IL20RA: variants seen among roughly 807,000 people sequenced by gnomAD.
The protein encoded by IL20RA is interleukin 20 receptor subunit alpha.
IL20RA carries 29 observed loss-of-function variants against 36.5 expected under a neutral mutation model. That is an observed-to-expected ratio of 0.79 (90% CI 0.59 to 1.08). The LOEUF (loss-of-function observed/expected upper bound fraction) is 1.08, where lower values mean the gene tolerates loss of function less well. IL20RA is among the 50% of genes least tolerant of loss of function. The pLI, the probability that IL20RA is intolerant of heterozygous loss-of-function variation, is 0.00. For synonymous variants in IL20RA, 279 were observed against 267.1 expected (o/e 1.04, Z -0.43); for missense variants, 652 against 668.4 (o/e 0.98, Z 0.27).
At chr6:137,013,024 T>C (rs902171945) in intron 2 of IL20RA, among the ~76,000 whole-genome samples, 4 of 152,222 alleles carry the variant, frequency 2.6e-5, no homozygotes, top group African/African-American at 7.2e-5. Context: ...TTTTATATTG[T>C]GATTCAGCTC....
At chr6:137,007,597 C>G (rs1198879911) in intron 5 of IL20RA, among the ~76,000 whole-genome samples, 1 of 152,180 alleles carries the variant, frequency 6.6e-6, no homozygotes, top group Non-Finnish European at 1.5e-5. Flanking sequence ...TAAAGCTCCT[C>G]TCACTGTGAA....
At position 137,044,643 on chromosome 6, in the gene IL20RA, G is replaced by A; in HGVS notation, c.86C>T (p.Ala29Val). The change falls in exon 1 of 7, where the codon GCA becomes GTA. Residue 29 changes from alanine (A) to valine (V), a missense_variant and splice_region_variant. By Grantham distance (64) the Ala-to-Val change is moderately conservative. Transcript: ENST00000316649. ...ACCTGGCGGCGCGACCCACCTACCT[G>A]CCCGTCCCCAAGGCGCCGCCAGGAG... ...LLLLAAPWGR[A>V]VPCVSGGLPK... The A allele has an allele frequency of 2.5e-6, 3 of 1,221,494 alleles. No homozygotes were observed. Among genetic ancestry groups the A allele is most frequent in the Middle Eastern group, 2.7e-4 (1 of 3,734 alleles). 75.7% of individuals were successfully genotyped at this position (1,221,494 alleles called of 1,614,324 possible).
chr6:137,005,576 T>C (rs1387709702), intron 5 of IL20RA, among the ~76,000 whole-genome samples: 3 of 152,238 alleles, frequency 2.0e-5, no homozygotes, highest in Admixed American at 6.5e-5. Flanking sequence ...ACATTTTACA[T>C]GTCCAGTTGG....
intron 6 of IL20RA, among the ~76,000 whole-genome samples, chr6:137,003,291 TATC>T (rs1775146889): frequency 6.6e-6 from 1 of 152,232 alleles, no homozygotes; most frequent in Admixed American, 6.5e-5. Flanking sequence ...CAAGGTATGT[TATC>T]ATGTACACGT....
intron 6 of IL20RA, 33 bp from the exon 7 acceptor site, chr6:137,002,388 T>C: frequency 6.9e-7 from 1 of 1,440,106 alleles, no homozygotes; most frequent in South Asian, 1.3e-5. Flanking sequence ...TTTTCACCTT[T>C]TCACTTTAGA....
In IL20RA at chr6:137,009,958, G is replaced by C. The variant is rs137875834; in HGVS notation, c.404-466C>G. 2.7e-3 allele frequency among the ~76,000 whole-genome samples: 407 copies of C among 152,240 alleles called. 12 individuals carry two copies. The South Asian group carries it at 0.055, about 20-fold the overall frequency. On this transcript the variant is annotated intron_variant, in intron 3 of 6. Coordinates refer to ENST00000316649, the MANE Select transcript of IL20RA (RefSeq NM_014432.4). ...CCAAAATGTACTAAGGTGGGCCTGA[G>C]ATATGCCAGATCTTGAAACCATCCT...
chr6:137,000,036 A>G lies in IL20RA; in HGVS notation c.*1522T>C, dbSNP rs998672553. On this transcript the variant is annotated 3_prime_UTR_variant, in exon 7 of 7. Transcript: ENST00000316649. ...ATTTATTCTTTCTCACTCTTGAACT[A>G]CTTTTACAGTTAGTGTAATACATCT... 1.3e-5 allele frequency: 2 copies of G among 152,226 alleles called. No homozygotes were observed. The highest frequency in any genetic ancestry group is 2.9e-5 in the Non-Finnish European group (2 of 68,032). The allele number at this position is 152,226 out of a possible 1,614,324, so 9.4% of individuals were successfully genotyped here. A position where few individuals can be genotyped will look rare whatever the true frequency, so the allele number is the denominator to read the frequency against.
In IL20RA at chr6:137,000,601, G is replaced by C. The variant is rs1405649275; in HGVS notation, c.*957C>G. ...GTCATTTAACTCATTTCTCTTGTAT[G>C]TCCTATATTTACTTATGGGTTTTAA... is the stretch of plus-strand genomic sequence containing the variant. On this transcript the variant is annotated 3_prime_UTR_variant, in exon 7 of 7. Transcript: ENST00000316649. 6.6e-6 allele frequency: 1 copy of C among 152,084 alleles called. No individual in the cohort carries two copies. Among genetic ancestry groups the C allele is most frequent in the Non-Finnish European group, 1.5e-5 (1 of 68,004 alleles). The allele number at this position is 152,084 out of a possible 1,614,324, so 9.4% of individuals were successfully genotyped here.
chr6:137,008,476 T>G, intron 5 of IL20RA, 123 bp downstream of exon 5: 1 of 1,002,768 alleles, frequency 1.0e-6, no homozygotes, highest in Middle Eastern at 2.2e-4. Context: ...TAGTTGTTTC[T>G]GCCTTTGCCT....
chr6:137,009,041 G>T, intron 4 of IL20RA: 1 of 570,210 alleles, frequency 1.8e-6, no homozygotes, highest in East Asian at 2.8e-5. Context: ...CTCAGAGAAA[G>T]ACTGTGCAAG....
intron 1 of IL20RA, among the ~76,000 whole-genome samples, chr6:137,018,507 C>CGTGTGTGT (rs1167012234): frequency 2.2e-5 from 2 of 89,134 alleles, no homozygotes; most frequent in South Asian, 4.4e-4. Context: ...TGACCACTGC[C>CGTGTGTGT]GTGTGCGTGT....
chr6:137,009,000 C>T, intron 4 of IL20RA: 1 of 539,834 alleles, frequency 1.9e-6, no homozygotes, highest in East Asian at 3.0e-5. Flanking sequence ...TATTCATTGT[C>T]CTGGGTCCTT....
In IL20RA at chr6:137,001,561, G is replaced by C; in HGVS notation, c.1659C>G (p.Asn553Lys). The C allele has an allele frequency of 6.5e-7, 1 of 1,539,390 alleles. No individual in the cohort carries two copies. Among genetic ancestry groups the C allele is most frequent in the Non-Finnish European group, 8.8e-7 (1 of 1,141,302 alleles). ...EEWGLYVQME[N>K] is the part of the protein sequence containing the mutation. ...AAGGCAAAAGGAAGTGTTGGCATCA[G>C]TTTTCCATCTGCACATATAACCCCC... The change falls in exon 7 of 7, where the codon AAC becomes AAG. Residue 553 changes from asparagine (N) to lysine (K), a missense_variant. Coordinates refer to ENST00000316649, the MANE Select transcript of IL20RA (RefSeq NM_014432.4).
intron 2 of IL20RA, among the ~76,000 whole-genome samples, chr6:137,013,436 G>A (rs1775565144): frequency 6.6e-6 from 1 of 152,182 alleles, no homozygotes; most frequent in African/African-American, 2.4e-5. Context: ...GGCCCTCAGT[G>A]GTCTCTGATT....
chr6:137,039,526 C>T (rs189940584), intron 1 of IL20RA, among the ~76,000 whole-genome samples: 4 of 152,240 alleles, frequency 2.6e-5, no homozygotes, highest in Admixed American at 2.0e-4. Flanking sequence ...CAGATTTAGA[C>T]CTGGATCTTA....
Position 137,001,617 on chromosome 6 carries a change from C to T in IL20RA, c.1603G>A (p.Glu535Lys). Residue 535 changes from glutamate to lysine, a missense_variant, in exon 7 of 7, where the codon GAA becomes AAA. Coordinates refer to ENST00000316649, the MANE Select transcript of IL20RA (RefSeq NM_014432.4). ...TCCATGAATTGCATGAGATAGGTTT[C>T]ATTTTCTCCTGGTGGCCTGTCTGGA... is the stretch of plus-strand genomic sequence containing the variant. ...PAPDRPPGENETYLMQFMEEW... is the reference protein window; with the variant it reads ...PAPDRPPGENKTYLMQFMEEW... 6.2e-7 allele frequency: 1 copy of T among 1,609,900 alleles called. No homozygotes were observed. Among genetic ancestry groups the T allele is most frequent in the Non-Finnish European group, 8.5e-7 (1 of 1,177,948 alleles).
rs564653987 is a variant in IL20RA at position 137,005,655 on chromosome 6, G to T, written c.725-895C>A. Among the ~76,000 whole-genome samples, 4 of 152,164 alleles carry T rather than the reference G, an allele frequency of 2.6e-5. No individual in the cohort carries two copies. In the East Asian group the frequency reaches 7.7e-4, roughly 29 times the overall value. On this transcript the variant is annotated intron_variant, in intron 5 of 6. Transcript: ENST00000316649. The stretch of plus-strand genomic sequence containing the variant: ...GCCTTCTGTGAAGGTTTTTGTTGTT[G>T]TTGTTGTTGTTTTTTTTAATGGGAG...
At chr6:137,024,958 G>A (rs1487661257) in intron 1 of IL20RA, among the ~76,000 whole-genome samples, 1 of 152,198 alleles carries the variant, frequency 6.6e-6, no homozygotes, top group East Asian at 1.9e-4. Context: ...AAGGATATGT[G>A]AGGATGCCCC....
Position 137,002,370 on chromosome 6 carries a change from G to A in IL20RA, c.865-15C>T. 1 of 1,522,572 alleles carries A rather than the reference G, an allele frequency of 6.6e-7. No homozygotes were observed. The highest frequency in any genetic ancestry group is 2.2e-5 in the East Asian group (1 of 44,480). 94.3% of individuals were successfully genotyped at this position (1,522,572 alleles called of 1,614,324 possible). A position where few individuals can be genotyped will look rare whatever the true frequency, so the allele number is the denominator to read the frequency against. On this transcript the variant is annotated splice_polypyrimidine_tract_variant and intron_variant, in intron 6 of 6. Transcript: ENST00000316649. ...TAAATCAAAATCTATAAAGAGAAAA[G>A]AGAATGATTTTCACCTTTTCACTTT...
Sources: gnomAD v4.1 joint callset for allele counts (sites outside exome capture counted in the v4.1 genomes callset) on GRCh38, gnomAD v4.1.1 for gene constraint, MANE v1.5 for transcripts, NCBI Gene and HGNC (gene_info 2026-07-23, HGNC 2026-07-21) for gene names.